The following SNX14 variants were observed in gnomAD, a reference collection of about 807,000 sequenced individuals.
The protein encoded by SNX14 is sorting nexin-14.
Under a neutral mutation model 133.8 loss-of-function variants are expected in SNX14, and 93 were observed. The observed-to-expected ratio is 0.70, with a 90% CI of 0.59 to 0.83. The LOEUF (loss-of-function observed/expected upper bound fraction) is 0.83. Ranked by LOEUF, SNX14 falls within the 40% of genes least tolerant of loss-of-function variation. The pLI, the probability that SNX14 is intolerant of heterozygous loss-of-function variation, is 0.00. For synonymous variants in SNX14, 368 were observed against 365.6 expected, an observed-to-expected ratio of 1.01 and a Z score of -0.07; for missense variants, 945 against 1,094.9, an observed-to-expected ratio of 0.86 and a Z score of 1.93.
intron 18 of SNX14, among the ~76,000 whole-genome samples, chr6:85,532,215 T>A (rs867552287): frequency 7.9e-5 from 12 of 152,198 alleles, no homozygotes; most frequent in African/African-American, 2.9e-4. Context: ...CAAAACTAAG[T>A]TTGATATGGA....
intron 2 of SNX14, among the ~76,000 whole-genome samples, chr6:85,573,737 CAA>C (rs1048861702): frequency 1.3e-5 from 2 of 152,298 alleles, no homozygotes; most frequent in African/African-American, 4.8e-5. Context: ...AAGCTTCTAA[CAA>C]GTACTGATTA....
intron 17 of SNX14, 65 bp downstream of exon 17, chr6:85,536,727 A>T: frequency 6.7e-7 from 1 of 1,490,978 alleles, no homozygotes; most frequent in Non-Finnish European, 9.1e-7. Context: ...TAATGAGTAT[A>T]TCTAATTTTT....
chr6:85,556,472 CTTTTT>C (rs371881772), intron 7 of SNX14, among the ~76,000 whole-genome samples: 2 of 136,934 alleles, frequency 1.5e-5, no homozygotes, highest in African/African-American at 5.4e-5. Flanking sequence ...TCACATTCAT[CTTTTT>C]TTTTTTTTTT....
chr6:85,587,692 G>C (rs1801401982), intron 1 of SNX14, among the ~76,000 whole-genome samples: 1 of 151,524 alleles, frequency 6.6e-6, no homozygotes, highest in African/African-American at 2.4e-5. Context: ...GAACTTCTGG[G>C]CTCAAGTGAT....
chr6:85,575,847 G>A (rs915557137), intron 1 of SNX14, among the ~76,000 whole-genome samples: 2 of 152,194 alleles, frequency 1.3e-5, no homozygotes, highest in African/African-American at 4.8e-5. Context: ...TCCAAACTTA[G>A]GAGTATGGTA....
chr6:85,523,300 T>C (rs1319842519), intron 21 of SNX14, among the ~76,000 whole-genome samples: 2 of 152,110 alleles, frequency 1.3e-5, no homozygotes, highest in Non-Finnish European at 2.9e-5. Context: ...CGTGGCTATG[T>C]TACATAAGAT....
chr6:85,577,949 C>T (rs914045841), intron 1 of SNX14, among the ~76,000 whole-genome samples: 7 of 152,080 alleles, frequency 4.6e-5, no homozygotes, highest in African/African-American at 1.2e-4. Flanking sequence ...AAGGCTACAA[C>T]GGATTGAGGA....
At chr6:85,518,193 T>C (rs1052102141) in intron 21 of SNX14, 145 bp from the exon 22 acceptor site, 2 of 625,956 alleles carry the variant, frequency 3.2e-6, no homozygotes, top group South Asian at 2.4e-5. Context: ...TCACACTCCA[T>C]GGAAATTTTC....
At chr6:85,513,034 T>C (rs1466815407) in intron 26 of SNX14, among the ~76,000 whole-genome samples, 1 of 152,196 alleles carries the variant, frequency 6.6e-6, no homozygotes, top group East Asian at 1.9e-4. Flanking sequence ...GGCTCCCATA[T>C]CTCTACTAAT....
At chr6:85,522,876 T>C (rs1256294027) in intron 21 of SNX14, among the ~76,000 whole-genome samples, 1 of 152,196 alleles carries the variant, frequency 6.6e-6, no homozygotes, top group East Asian at 1.9e-4. Context: ...CTCTTGTACA[T>C]GCCAGTCCCT....
intron 16 of SNX14, 144 bp from the exon 17 acceptor site, chr6:85,537,068 T>C: frequency 2.7e-6 from 2 of 754,134 alleles, no homozygotes; most frequent in Non-Finnish European, 3.9e-6. Flanking sequence ...GGAGTTTTCA[T>C]ACACGGATTA....
intron 4 of SNX14, among the ~76,000 whole-genome samples, chr6:85,571,777 T>A (rs1795689104): frequency 6.6e-6 from 1 of 152,192 alleles, no homozygotes; most frequent in African/African-American, 2.4e-5. Flanking sequence ...GTGTCAAAAC[T>A]GGGGTCATAA....
At position 85,547,370 on chromosome 6, in the gene SNX14, G is replaced by C. The variant is rs774511158; in HGVS notation, c.940C>G (p.Pro314Ala). Residue 314 changes from proline to alanine, a missense_variant, in exon 11 of 29, where the codon CCT (proline) becomes GCT (alanine). Pro to Ala is a conservative substitution (Grantham distance 27). Transcript: ENST00000314673. Reference sequence around the variant, plus strand: ...AATTTCTGCAAGAATGGAACCAAAGGAGAAGCCGGTTCAGTTGCTTTTTCA... The same window carrying C: ...AATTTCTGCAAGAATGGAACCAAAGCAGAAGCCGGTTCAGTTGCTTTTTCA... Reference protein sequence around the residue: ...PPEKATEPASPLVPFLQKFAE... With the variant: ...PPEKATEPASALVPFLQKFAE... 1.2e-6 allele frequency: 2 copies of C among 1,613,716 alleles called. No homozygotes were observed. The highest frequency in any genetic ancestry group is 1.7e-6 in the Non-Finnish European group (2 of 1,179,950).
At chr6:85,575,627 T>TA (rs1485318046) in intron 1 of SNX14, among the ~76,000 whole-genome samples, 7 of 152,302 alleles carry the variant, frequency 4.6e-5, no homozygotes, top group Admixed American at 2.0e-4. Flanking sequence ...AAATCAAATG[T>TA]AAATGAAGTA....
rs1021343427 is a variant in SNX14, at chr6:85,580,666, C to G, written c.141-6288G>C. ...ATTCACCACAAGCTGACTAAGGAGG[C>G]CTTGGGCTTAAGTAAACATTGACAG... On this transcript the variant is annotated intron_variant, in intron 1 of 28. Transcript: ENST00000314673. 2.6e-5 allele frequency among the ~76,000 whole-genome samples: 4 copies of G among 152,020 alleles called. No homozygotes were observed. The East Asian group carries it at 7.7e-4, about 29-fold the overall frequency.
intron 1 of SNX14, among the ~76,000 whole-genome samples, chr6:85,583,852 C>T (rs1403637759): frequency 6.6e-6 from 1 of 152,038 alleles, no homozygotes; most frequent in South Asian, 2.1e-4. Flanking sequence ...AGTCCTATCC[C>T]CATCAAGCTA....
intron 21 of SNX14, among the ~76,000 whole-genome samples, chr6:85,523,405 G>C (rs553154241): frequency 6.6e-6 from 1 of 152,246 alleles, no homozygotes; most frequent in African/African-American, 2.4e-5. Flanking sequence ...CTGAACTAAG[G>C]AAACAGTAAA....
intron 5 of SNX14, among the ~76,000 whole-genome samples, chr6:85,566,925 C>T (rs1794059658): frequency 6.6e-6 from 1 of 151,962 alleles, no homozygotes; most frequent in African/African-American, 2.4e-5. Context: ...TTTTCTGTAT[C>T]TTCAAAAGCA....
chr6:85,572,244 T>C, intron 3 of SNX14, 29 bp from the exon 4 acceptor site: 3 of 1,611,922 alleles, frequency 1.9e-6, no homozygotes, highest in Non-Finnish European at 2.5e-6. Flanking sequence ...ACTAAATCAC[T>C]TGAAATCCAA....
Sources: gnomAD v4.1 joint callset for allele counts (sites outside exome capture counted in the v4.1 genomes callset) on GRCh38, gnomAD v4.1.1 for gene constraint, MANE v1.5 for transcripts, NCBI Gene and HGNC (gene_info 2026-07-23, HGNC 2026-07-21) for gene names.